The following PRUNE2 variants were observed in gnomAD, a reference collection of about 807,000 sequenced individuals.
PRUNE2 encodes the protein protein prune homolog 2.
Under a neutral mutation model 252.0 loss-of-function variants are expected in PRUNE2, and 164 were observed. That is an observed-to-expected ratio of 0.65 (90% confidence interval 0.57 to 0.74). The LOEUF (loss-of-function observed/expected upper bound fraction) is 0.74, where lower values mean the gene tolerates loss of function less well. PRUNE2 is among the 30% of genes least tolerant of loss of function. PRUNE2 has a pLI of 0.00. For missense variants in PRUNE2, 3,495 were observed against 3,711.0 expected, an observed-to-expected ratio of 0.94 and a Z score of 1.51; for synonymous variants, 1,292 against 1,350.2, an observed-to-expected ratio of 0.96 and a Z score of 0.94.
At chr9:76,824,702 C>G (rs2058241969) in intron 5 of PRUNE2, among the ~76,000 whole-genome samples, 1 of 152,136 alleles carries the variant, frequency 6.6e-6, no homozygotes, top group Admixed American at 6.5e-5. Flanking sequence ...TATAATAAAG[C>G]CTGGTAAAGC....
chr9:76,639,941 T>C (rs1038964681), intron 12 of PRUNE2, among the ~76,000 whole-genome samples: 5 of 152,210 alleles, frequency 3.3e-5, no homozygotes, highest in South Asian at 2.1e-4. Context: ...TATATTCCCA[T>C]AGTTTCTTTG....
At chr9:76,839,068 G>GT (rs1030281960) in intron 4 of PRUNE2, among the ~76,000 whole-genome samples, 24 of 150,920 alleles carry the variant, frequency 1.6e-4, no homozygotes, top group Admixed American at 1.3e-3. Flanking sequence ...GAGTTTGTTT[G>GT]TTTTTTTTTA....
intron 6 of PRUNE2, among the ~76,000 whole-genome samples, chr9:76,814,775 A>T (rs1402819952): frequency 6.6e-6 from 1 of 152,202 alleles, no homozygotes; most frequent in Non-Finnish European, 1.5e-5. Context: ...TGAATAATAT[A>T]TGTCCACATT....
intron 6 of PRUNE2, among the ~76,000 whole-genome samples, chr9:76,725,428 G>C (rs544286110): frequency 3.3e-5 from 5 of 152,182 alleles, no homozygotes; most frequent in Non-Finnish European, 7.3e-5. Context: ...CAGATATCCT[G>C]ATGGGTCTAA....
intron 6 of PRUNE2, among the ~76,000 whole-genome samples, chr9:76,769,471 G>T (rs2130906063): frequency 6.7e-6 from 1 of 148,734 alleles, no homozygotes; most frequent in East Asian, 2.0e-4. Context: ...TGCCCAGGCT[G>T]GAGTGCAATG....
intron 14 of PRUNE2, among the ~76,000 whole-genome samples, 197 bp downstream of exon 14, chr9:76,637,221 G>A (rs1218522291): frequency 4.6e-5 from 7 of 152,102 alleles, no homozygotes; most frequent in Admixed American, 3.9e-4. Flanking sequence ...GTTTAATGAT[G>A]CTTTTATTCT....
chr9:76,809,424 G>A (rs1337416788), intron 6 of PRUNE2, among the ~76,000 whole-genome samples: 2 of 152,220 alleles, frequency 1.3e-5, no homozygotes, highest in African/African-American at 2.4e-5. Flanking sequence ...AGGGTTGGGC[G>A]CAGTGGCTCA....
intron 1 of PRUNE2, among the ~76,000 whole-genome samples, chr9:76,865,235 G>A (rs2132906755): frequency 6.6e-6 from 1 of 152,310 alleles, no homozygotes; most frequent in Non-Finnish European, 1.5e-5. Context: ...GCTCATGCCA[G>A]TAATCCCAAC....
intron 6 of PRUNE2, among the ~76,000 whole-genome samples, chr9:76,802,037 T>C (rs1371409652): frequency 1.3e-5 from 2 of 152,178 alleles, no homozygotes; most frequent in African/African-American, 4.8e-5. Flanking sequence ...CATACTGACA[T>C]TTTTAATACT....
chr9:76,708,262 G>A lies in PRUNE2; in HGVS notation c.4012C>T (p.His1338Tyr). ...GCGATCACCTCCTCTTCATCAAGGT[G>A]CCCCCTGTCAGTGGCTCCCTGGGCT... is the stretch of plus-strand genomic sequence containing the variant. The part of the protein sequence containing the change: ...KEAQGATDRG[H>Y]LDEEEVIASG... The change falls in exon 8 of 19, where the codon CAC becomes TAC. Residue 1338 changes from histidine to tyrosine, a missense_variant. By Grantham distance (83) the His-to-Tyr change is moderately conservative. Transcript: ENST00000376718. The A allele has an allele frequency of 6.2e-7, 1 of 1,613,788 alleles. No homozygotes were observed.
intron 6 of PRUNE2, among the ~76,000 whole-genome samples, chr9:76,719,125 T>A (rs991342772): frequency 1.3e-5 from 2 of 152,174 alleles, no homozygotes; most frequent in African/African-American, 4.8e-5. Flanking sequence ...TTATTTTATT[T>A]TTTTTCCACC....
intron 4 of PRUNE2, among the ~76,000 whole-genome samples, chr9:76,842,812 A>G (rs1338317103): frequency 6.6e-6 from 1 of 152,238 alleles, no homozygotes; most frequent in Admixed American, 6.5e-5. Flanking sequence ...CAATCATTAA[A>G]AAGCCAGGTA....
chr9:76,792,555 C>T (rs979763443), intron 6 of PRUNE2, among the ~76,000 whole-genome samples: 20 of 152,120 alleles, frequency 1.3e-4, no homozygotes, highest in Middle Eastern at 3.4e-3. Context: ...AGAAATAGGC[C>T]GGGTCATCAG....
At chr9:76,874,610 C>G (rs1008029797) in intron 1 of PRUNE2, among the ~76,000 whole-genome samples, 4 of 152,174 alleles carry the variant, frequency 2.6e-5, no homozygotes, top group African/African-American at 9.7e-5. Context: ...TCCATCCCAT[C>G]GCTCGAGCTT....
intron 2 of PRUNE2, among the ~76,000 whole-genome samples, chr9:76,851,510 T>C (rs967965485): frequency 6.0e-5 from 9 of 150,942 alleles, no homozygotes; most frequent in Admixed American, 5.9e-4. Context: ...ATCGTGCCAC[T>C]GCACTGCAGC....
At chr9:76,695,446 G>A (rs2045293956) in intron 9 of PRUNE2, among the ~76,000 whole-genome samples, 1 of 152,202 alleles carries the variant, frequency 6.6e-6, no homozygotes, top group African/African-American at 2.4e-5. Flanking sequence ...ATGAGGATGA[G>A]TGACTAACAA....
At chr9:76,634,734 T>G (rs1839241686) in intron 15 of PRUNE2, among the ~76,000 whole-genome samples, 1 of 152,234 alleles carries the variant, frequency 6.6e-6, no homozygotes, top group South Asian at 2.1e-4. Flanking sequence ...TCTAATAAAC[T>G]GATTGATTTG....
At chr9:76,768,279 G>A (rs1181135517) in intron 6 of PRUNE2, among the ~76,000 whole-genome samples, 1 of 151,880 alleles carries the variant, frequency 6.6e-6, no homozygotes, top group Admixed American at 6.6e-5. Flanking sequence ...TGCAACCTCC[G>A]CCTCCTGGGT....
At chr9:76,755,580 A>C (rs1315604882) in intron 6 of PRUNE2, among the ~76,000 whole-genome samples, 1 of 152,138 alleles carries the variant, frequency 6.6e-6, no homozygotes. Flanking sequence ...GGAGTCAGGG[A>C]AGGCATTCAA....
Sources: allele counts gnomAD v4.1 joint callset (sites outside exome capture counted in the v4.1 genomes callset), GRCh38; gene constraint gnomAD v4.1.1; transcripts MANE v1.5; gene names NCBI Gene and HGNC (gene_info 2026-07-23, HGNC 2026-07-21).